The following L2HGDH variants were observed in gnomAD, a reference collection of about 807,000 sequenced individuals.
L2HGDH encodes L-2-hydroxyglutarate dehydrogenase.
In L2HGDH, 34 loss-of-function variants were observed where a neutral mutation model predicts 51.5. That is an observed-to-expected ratio of 0.66 (90% CI 0.50 to 0.88). The LOEUF (loss-of-function observed/expected upper bound fraction) is 0.88, where lower values mean the gene tolerates loss of function less well. Among genes scored for constraint, L2HGDH ranks in the 40% least tolerant of loss-of-function variants. The probability of loss-of-function intolerance (pLI) is 0.00; values close to 1 mark genes in which losing one functional copy is unlikely to be tolerated. For missense variants in L2HGDH, 558 were observed against 571.9 expected, an observed-to-expected ratio of 0.98 and a Z score of 0.25; for synonymous variants, 198 against 197.9, an observed-to-expected ratio of 1.00 and a Z score of -0.01.
intron 9 of L2HGDH, among the ~76,000 whole-genome samples, chr14:50,262,756 C>T (rs532692431): frequency 6.6e-6 from 1 of 152,084 alleles, no homozygotes; most frequent in African/African-American, 2.4e-5. Flanking sequence ...TATCTTCCCC[C>T]GAGAAACCCA....
At chr14:50,288,016 TG>T (rs1890659239) in intron 4 of L2HGDH, among the ~76,000 whole-genome samples, 1 of 152,052 alleles carries the variant, frequency 6.6e-6, no homozygotes. Context: ...TATATATTTA[TG>T]GAACACAGTG....
Position 50,280,825 on chromosome 14 carries a change from A to T in L2HGDH, c.704-2271T>A, listed in dbSNP as rs553036633. ...CACTGCGCCCAGCCCTAAAAAAAAA[A>T]TTTTTTTGAGACAAGGTCTCACTGT... On this transcript the variant is annotated intron_variant, in intron 5 of 9. Coordinates refer to ENST00000267436, the MANE Select transcript of L2HGDH (RefSeq NM_024884.3). 4.1e-3 allele frequency among the ~76,000 whole-genome samples: 621 copies of T among 151,054 alleles called. 4 individuals carry two copies. The highest frequency in any genetic ancestry group is 0.014 in the African/African-American group (587 of 41,072).
chr14:50,284,960 T>C (rs1417965162), intron 4 of L2HGDH, among the ~76,000 whole-genome samples: 1 of 152,140 alleles, frequency 6.6e-6, no homozygotes, highest in Non-Finnish European at 1.5e-5. Flanking sequence ...AAGATTTTCA[T>C]TTTGCGGCCG....
At chr14:50,287,306 C>A in intron 4 of L2HGDH, 1 of 984,562 alleles carries the variant, frequency 1.0e-6, no homozygotes, top group Non-Finnish European at 1.2e-6. Flanking sequence ...GTTCCTGTTC[C>A]GATTTTTTCT....
chr14:50,310,966 CAG>C (rs1229829985), intron 1 of L2HGDH, among the ~76,000 whole-genome samples: 3 of 107,292 alleles, frequency 2.8e-5, no homozygotes, highest in Non-Finnish European at 5.2e-5. Context: ...TTTTGCGAGA[CAG>C]AGTCTTGCTC....
intron 9 of L2HGDH, among the ~76,000 whole-genome samples, chr14:50,256,081 G>GTAT (rs1433842152): frequency 6.6e-6 from 1 of 152,088 alleles, no homozygotes; most frequent in African/African-American, 2.4e-5. Flanking sequence ...GAGAAGTCTT[G>GTAT]TATTACATTA....
In L2HGDH at chr14:50,312,170, C is replaced by G. The variant is rs780582737; in HGVS notation, c.-20G>C. On this transcript the variant is annotated 5_prime_UTR_variant, in exon 1 of 10. Transcript: ENST00000267436. The stretch of plus-strand genomic sequence containing the variant: ...CACCATCCCCTACGCACGCTCCCCT[C>G]CCTCAGCGCTCAGAAGAAGCCACTT... 26 of 1,608,280 alleles carry G rather than the reference C, an allele frequency of 1.6e-5. No individual in the cohort carries two copies. Among genetic ancestry groups the G allele is most frequent in the Non-Finnish European group, 2.2e-5 (26 of 1,179,094 alleles).
intron 7 of L2HGDH, 104 bp from the exon 8 acceptor site, chr14:50,268,014 A>G (rs1566513221): frequency 9.1e-7 from 1 of 1,097,844 alleles, no homozygotes; most frequent in Non-Finnish European, 1.4e-6. Flanking sequence ...TCATGCATTT[A>G]ATTTGTATTG....
chr14:50,289,984 GGCCAGGC>G (rs1566530114), intron 4 of L2HGDH, among the ~76,000 whole-genome samples: 2 of 152,058 alleles, frequency 1.3e-5, no homozygotes, highest in African/African-American at 4.8e-5. Context: ...CCCTTAAGTC[GGCCAGGC>G]GCAGTGGCTC....
chr14:50,281,787 T>A (rs1028592583), intron 5 of L2HGDH, among the ~76,000 whole-genome samples: 3 of 152,182 alleles, frequency 2.0e-5, no homozygotes, highest in Non-Finnish European at 4.4e-5. Context: ...CAGGAGTGAT[T>A]CCTTCACCCC....
At chr14:50,301,663 G>A (rs995252608) in intron 3 of L2HGDH, among the ~76,000 whole-genome samples, 2 of 152,164 alleles carry the variant, frequency 1.3e-5, no homozygotes, top group Non-Finnish European at 2.9e-5. Flanking sequence ...CTAGGGCATC[G>A]GGGGAGGTAG....
rs1887851744 is a variant in L2HGDH, at chr14:50,242,686, T to C, written c.*4372A>G. The C allele has an allele frequency of 3.0e-6, 3 of 985,322 alleles. No individual in the cohort carries two copies. Among genetic ancestry groups the C allele is most frequent in the Non-Finnish European group, 3.6e-6 (3 of 829,938 alleles). The allele number at this position is 985,322 out of a possible 1,614,324, so 61.0% of individuals were successfully genotyped here. ...TTGCTTTCCCAACCATTTCACCCTG[T>C]CCTTCTACCTTAAGCCCTGATGAAG... On this transcript the variant is annotated 3_prime_UTR_variant, in exon 10 of 10. Coordinates refer to ENST00000267436, the MANE Select transcript of L2HGDH (RefSeq NM_024884.3).
At chr14:50,297,669 C>CA (rs1192451379) in intron 3 of L2HGDH, among the ~76,000 whole-genome samples, 4 of 152,132 alleles carry the variant, frequency 2.6e-5, no homozygotes, top group Non-Finnish European at 5.9e-5. Context: ...TATGTTGGGC[C>CA]ACAAAACAGG....
At position 50,302,162 on chromosome 14, in the gene L2HGDH, T is replaced by G; in HGVS notation, c.263A>C (p.His88Pro). 6.2e-7 allele frequency: 1 copy of G among 1,614,072 alleles called. No individual in the cohort carries two copies. The highest frequency in any genetic ancestry group is 8.5e-7 in the Non-Finnish European group (1 of 1,179,962). Residue 88 changes from histidine to proline, a missense_variant, in exon 3 of 10, where the codon CAC (histidine) becomes CCC (proline). His to Pro is a moderately conservative substitution (Grantham distance 77). Around this residue, in one of 3 missense-constraint regions of L2HGDH, gnomAD observed 194 missense variants for 187.2 expected, o/e 1.04. Transcript: ENST00000267436. ...GACACCACTGTTATGTCCAGTCTGG[T>G]GAACAGCTACAGAACAAGAGAAACA... Reference protein sequence around the residue: ...VLEKEKDLAVHQTGHNSGVIH... With the variant: ...VLEKEKDLAVPQTGHNSGVIH...
intron 1 of L2HGDH, among the ~76,000 whole-genome samples, chr14:50,303,824 A>C (rs1271309970): frequency 6.6e-6 from 1 of 151,108 alleles, no homozygotes; most frequent in Non-Finnish European, 1.5e-5. Flanking sequence ...AAAAAAAAAA[A>C]AAAACCTCAA....
intron 4 of L2HGDH, among the ~76,000 whole-genome samples, chr14:50,291,300 T>G (rs1006827379): frequency 6.6e-6 from 1 of 151,944 alleles, no homozygotes; most frequent in African/African-American, 2.4e-5. Flanking sequence ...AGGACAGAAT[T>G]TGCCAAGACT....
chr14:50,261,524 C>T (rs1889021504), intron 9 of L2HGDH, among the ~76,000 whole-genome samples: 1 of 152,152 alleles, frequency 6.6e-6, no homozygotes, highest in South Asian at 2.1e-4. Flanking sequence ...GTTCTCTCCA[C>T]CAGGCTGGAG....
rs1008051120 is a variant in L2HGDH, at chr14:50,245,405, T to G, written c.*1653A>C. ...ATTGAAGAACAGGACAACCACTCAG[T>G]GTACCACTGTTTAGATTTCATGATG... On this transcript the variant is annotated 3_prime_UTR_variant, in exon 10 of 10. Transcript: ENST00000267436. 5.1e-6 allele frequency: 5 copies of G among 985,386 alleles called. No homozygotes were observed. Among genetic ancestry groups the G allele is most frequent in the Non-Finnish European group, 6.0e-6 (5 of 829,890 alleles). 61.0% of individuals were successfully genotyped at this position (985,386 alleles called of 1,614,324 possible).
intron 9 of L2HGDH, among the ~76,000 whole-genome samples, chr14:50,255,396 C>T (rs1167053221): frequency 2.6e-5 from 4 of 151,574 alleles, no homozygotes; most frequent in African/African-American, 4.8e-5. Context: ...TTAGCTGGGG[C>T]GTGGTGGCAG....
Sources: gnomAD v4.1 joint callset for allele counts (sites outside exome capture counted in the v4.1 genomes callset) on GRCh38, gnomAD v4.1.1 for gene constraint, gnomAD v4.1.1 regional missense constraint, MANE v1.5 for transcripts, NCBI Gene and HGNC (gene_info 2026-07-23, HGNC 2026-07-21) for gene names.